Variants in OSMR observed in about 807,000 individuals in gnomAD.
OSMR encodes the protein oncostatin M receptor, also known as oncostatin-M-specific receptor subunit beta.
Under a neutral mutation model 99.9 loss-of-function variants are expected in OSMR, and 81 were observed. The ratio of observed to expected loss-of-function variants is 0.81; its 90% confidence interval spans 0.68 to 0.97. The LOEUF (loss-of-function observed/expected upper bound fraction) is 0.97. OSMR is among the 50% of genes least tolerant of loss of function. OSMR has a pLI of 0.00. For synonymous variants in OSMR, 406 were observed against 410.4 expected (o/e 0.99, Z 0.13); for missense variants, 1,099 against 1,153.4 (o/e 0.95, Z 0.68).
chr5:38,867,157 A>G (rs2112217760), intron 1 of OSMR, among the ~76,000 whole-genome samples: 1 of 152,280 alleles, frequency 6.6e-6, no homozygotes, highest in South Asian at 2.1e-4. Context: ...GAGATTTTGG[A>G]GAAGTATGAA....
chr5:38,847,585 C>G (rs1739966667), intron 1 of OSMR, among the ~76,000 whole-genome samples: 1 of 152,180 alleles, frequency 6.6e-6, no homozygotes, highest in Admixed American at 6.5e-5. Context: ...TGTCCCCAAA[C>G]TCCGCTGTGT....
downstream of OSMR, among the ~76,000 whole-genome samples, chr5:38,936,341 G>A (rs1229874510): frequency 6.6e-6 from 1 of 151,978 alleles, no homozygotes. Flanking sequence ...TGTTAAAATT[G>A]CACCTAAAAT....
chr5:38,898,950 C>CTTTTTTTTTTTTTTTTTTTTTTTT (rs58159819), intron 7 of OSMR, among the ~76,000 whole-genome samples: 5 of 78,288 alleles, frequency 6.4e-5, no homozygotes, highest in African/African-American at 3.1e-4. Context: ...TACATAATAT[C>CTTTTTTTTTTTTTTTTTTTTTTTT]TTTTTTTTTT....
At chr5:38,849,458 CT>C (rs1218655594) in intron 1 of OSMR, among the ~76,000 whole-genome samples, 6 of 138,736 alleles carry the variant, frequency 4.3e-5, no homozygotes, top group East Asian at 2.0e-4. Flanking sequence ...TTTCATTGAT[CT>C]TTTTTTTTGT....
chr5:38,873,643 C>T (rs1318701649), intron 2 of OSMR, among the ~76,000 whole-genome samples: 1 of 152,148 alleles, frequency 6.6e-6, no homozygotes, highest in Non-Finnish European at 1.5e-5. Flanking sequence ...CTCGCCAACA[C>T]TTGTTATTTC....
At chr5:38,871,213 C>T (rs964972238) in intron 2 of OSMR, among the ~76,000 whole-genome samples, 3 of 152,194 alleles carry the variant, frequency 2.0e-5, no homozygotes, top group Non-Finnish European at 4.4e-5. Flanking sequence ...AGTGAAGTTC[C>T]CTTTTCTGAT....
At chr5:38,911,553 C>A (rs767586521) in intron 9 of OSMR, among the ~76,000 whole-genome samples, 6 of 152,190 alleles carry the variant, frequency 3.9e-5, no homozygotes, top group Non-Finnish European at 7.3e-5. Context: ...TCCTCCCTAA[C>A]TCATTCTGTG....
In OSMR at chr5:38,943,640, C is replaced by CT. The variant is rs138193162; in HGVS notation, c.75-560dup. On this transcript the variant is annotated intron_variant and NMD_transcript_variant, in intron 1 of 2. Coordinates refer to the OSMR transcript ENST00000508882. The stretch of plus-strand genomic sequence containing the variant: ...CCAACCTGGCTAACCTGGCGAAACT[C>CT]TGTTTCTACTAAAAATACAAAAATT... Among the ~76,000 whole-genome samples the CT allele has an allele frequency of 2.4e-3, 369 of 152,264 alleles. 1 individual carries two copies. Among genetic ancestry groups the CT allele is most frequent in the Middle Eastern group, 0.01 (3 of 294 alleles).
downstream of OSMR, chr5:38,939,006 A>G (rs191215862): frequency 3.9e-5 from 9 of 233,128 alleles, no homozygotes; most frequent in Non-Finnish European, 5.9e-5. Context: ...CTTCCAAAGA[A>G]CATTTCCCAA....
chr5:38,862,881 A>G (rs1741579797), intron 1 of OSMR, among the ~76,000 whole-genome samples: 1 of 152,176 alleles, frequency 6.6e-6, no homozygotes, highest in Non-Finnish European at 1.5e-5. Context: ...ACCATTGAGC[A>G]CTGAGTGAAC....
intron 2 of OSMR, chr5:38,944,816 GAC>G (rs1747995304): frequency 8.2e-7 from 1 of 1,226,534 alleles, no homozygotes; most frequent in Middle Eastern, 1.9e-4. Context: ...ACTGTTTTGA[GAC>G]AACTTTAATT....
intron 4 of OSMR, chr5:38,883,572 A>G (rs1743467464): frequency 2.9e-6 from 1 of 345,152 alleles, no homozygotes. Flanking sequence ...TGCAATTATC[A>G]GAGTGGTAAT....
intron 3 of OSMR, among the ~76,000 whole-genome samples, chr5:38,878,509 T>C (rs569463858): frequency 2.0e-5 from 3 of 152,216 alleles, no homozygotes; most frequent in Non-Finnish European, 4.4e-5. Flanking sequence ...TCCTGGGTCA[T>C]GGTCCTCCCC....
In OSMR at chr5:38,918,854, G is replaced by T. The variant is rs1746073960; in HGVS notation, c.1377G>T (p.Leu459=). Residue 459 remains leucine (L), a synonymous_variant, in exon 11 of 18, where the codon CTG becomes CTT. Coordinates refer to ENST00000274276, the MANE Select transcript of OSMR (RefSeq NM_003999.3). The stretch of plus-strand genomic sequence containing the variant: ...ATTTTTTTCAGCCATTATCAAAACT[G>T]CATGCCAATGGAAAGATCCTGTTCT... The part of the protein sequence containing the change: ...VTLFWKPLSK[L]HANGKILFYN... 6.2e-7 allele frequency: 1 copy of T among 1,613,840 alleles called. No homozygotes were observed. The highest frequency in any genetic ancestry group is 1.3e-5 in the African/African-American group (1 of 75,000).
At chr5:38,910,907 G>A (rs1158887911) in intron 9 of OSMR, among the ~76,000 whole-genome samples, 1 of 152,160 alleles carries the variant, frequency 6.6e-6, no homozygotes, top group Non-Finnish European at 1.5e-5. Context: ...CCAGTCGGGA[G>A]GCTGAGGCAG....
intron 4 of OSMR, among the ~76,000 whole-genome samples, chr5:38,882,653 A>G (rs1743385030): frequency 6.6e-6 from 1 of 151,442 alleles, no homozygotes; most frequent in Non-Finnish European, 1.5e-5. Flanking sequence ...GGTGGGGGGA[A>G]GGGGGGTGGA....
chr5:38,918,560 A>C (rs1746056767), intron 10 of OSMR: 1 of 173,028 alleles, frequency 5.8e-6, no homozygotes, highest in African/African-American at 2.4e-5. Flanking sequence ...CAGGTTAAAG[A>C]GTCTATTCCT....
At chr5:38,944,841 G>A (rs1747997864) in intron 2 of OSMR, 7 of 1,439,866 alleles carry the variant, frequency 4.9e-6, no homozygotes, top group East Asian at 2.3e-5. Context: ...CAGTATTTAC[G>A]AAAAACAAAA....
chr5:38,863,630 T>C (rs1216421777), intron 1 of OSMR, among the ~76,000 whole-genome samples: 1 of 152,230 alleles, frequency 6.6e-6, no homozygotes, highest in Non-Finnish European at 1.5e-5. Context: ...ATGTATATTT[T>C]GCAGGTGTTG....
Sources: allele counts gnomAD v4.1 joint callset (sites outside exome capture counted in the v4.1 genomes callset), GRCh38; gene constraint gnomAD v4.1.1; transcripts MANE v1.5; gene names NCBI Gene and HGNC (gene_info 2026-07-23, HGNC 2026-07-21).